Variants in BLOC1S5 observed in about 807,000 individuals in gnomAD.
BLOC1S5 encodes biogenesis of lysosome-related organelles complex 1 subunit 5.
A neutral mutation model predicts 24.3 loss-of-function variants in BLOC1S5; 27 were observed. The observed-to-expected ratio is 1.11, with a 90% CI of 0.82 to 1.53. The LOEUF is 1.53. Among genes scored for constraint, BLOC1S5 ranks in the 40% most tolerant of loss-of-function variants. The pLI, the probability that BLOC1S5 is intolerant of heterozygous loss-of-function variation, is 0.00. For synonymous variants in BLOC1S5, 84 were observed against 74.5 expected (o/e 1.13, Z -0.66); for missense variants, 239 against 229.4 (o/e 1.04, Z -0.27).
intron 2 of BLOC1S5, among the ~76,000 whole-genome samples, chr6:8,058,566 T>C (rs1207240215): frequency 6.6e-6 from 1 of 152,180 alleles, no homozygotes; most frequent in Non-Finnish European, 1.5e-5. Flanking sequence ...GACGGGTTAC[T>C]GTGGTCCCAG....
intron 3 of BLOC1S5, among the ~76,000 whole-genome samples, chr6:8,030,394 G>A (rs1225874747): frequency 1.3e-5 from 2 of 151,094 alleles, no homozygotes; most frequent in Non-Finnish European, 2.9e-5. Flanking sequence ...TCCTGACCTC[G>A]TGATCCACCC....
At chr6:8,027,272 T>C (rs1401537489) in intron 3 of BLOC1S5, 1 of 451,256 alleles carries the variant, frequency 2.2e-6, no homozygotes. Flanking sequence ...TGGCACTCAG[T>C]TGTGTGAATG....
chr6:8,056,418 T>C (rs1006670352), intron 2 of BLOC1S5, among the ~76,000 whole-genome samples: 3 of 152,128 alleles, frequency 2.0e-5, no homozygotes, highest in African/African-American at 7.2e-5. Context: ...TTATTACAGA[T>C]GTAGATTGGG....
chr6:8,060,901 T>A (rs1310022656), intron 2 of BLOC1S5, among the ~76,000 whole-genome samples: 2 of 152,208 alleles, frequency 1.3e-5, no homozygotes, highest in Non-Finnish European at 2.9e-5. Context: ...CTCGGCTCAC[T>A]GCAACCTCCA....
rs552912671 is a variant in BLOC1S5, at chr6:8,019,620, G to A, written c.385-3792C>T. 2.7e-5 allele frequency among the ~76,000 whole-genome samples: 4 copies of A among 147,502 alleles called. No individual in the cohort carries two copies. In the South Asian group the frequency reaches 6.5e-4, roughly 24 times the overall value. Reference sequence around the variant, plus strand: ...AGTAAAGAAAAAAGGGGGGGGGGGCGCCTATACATTCATGTATTGACAATA... The same window carrying A: ...AGTAAAGAAAAAAGGGGGGGGGGGCACCTATACATTCATGTATTGACAATA... On this transcript the variant is annotated intron_variant, in intron 4 of 4. Transcript: ENST00000397457.
At chr6:8,041,084 T>G in intron 3 of BLOC1S5, 55 bp downstream of exon 3, 1 of 1,530,566 alleles carries the variant, frequency 6.5e-7, no homozygotes, top group South Asian at 1.2e-5. Context: ...AAAATACATT[T>G]TGGTGTAGCA....
intron 2 of BLOC1S5, among the ~76,000 whole-genome samples, chr6:8,045,256 A>G (rs113749365): frequency 0.025 from 3,791 of 152,310 alleles, 161 homozygotes; most frequent in African/African-American, 0.084. Flanking sequence ...CTTCCAAGTA[A>G]TGTTGAGCCT....
At chr6:8,026,478 A>G in intron 3 of BLOC1S5, 53 bp from the exon 4 acceptor site, 1 of 1,424,624 alleles carries the variant, frequency 7.0e-7, no homozygotes, top group Non-Finnish European at 9.9e-7. Context: ...TCAAGGAAAC[A>G]CATACCTGGG....
At chr6:8,019,472 C>T (rs1248910095) in intron 4 of BLOC1S5, among the ~76,000 whole-genome samples, 6 of 151,956 alleles carry the variant, frequency 3.9e-5, no homozygotes, top group Non-Finnish European at 5.9e-5. Context: ...TTTCACCACA[C>T]TGGCCAGGCT....
At chr6:8,064,049 G>A (rs540592625) in intron 1 of BLOC1S5, among the ~76,000 whole-genome samples, 2 of 152,198 alleles carry the variant, frequency 1.3e-5, no homozygotes, top group African/African-American at 4.8e-5. Flanking sequence ...GGCTGCGACA[G>A]AGGAAAGCGG....
intron 2 of BLOC1S5, among the ~76,000 whole-genome samples, chr6:8,048,945 C>T (rs922773161): frequency 6.7e-6 from 1 of 150,190 alleles, no homozygotes; most frequent in Admixed American, 6.7e-5. Flanking sequence ...CCCAGGGTGG[C>T]AGAAGCTGCA....
At chr6:8,052,466 C>A (rs1303517636) in intron 2 of BLOC1S5, among the ~76,000 whole-genome samples, 1 of 152,080 alleles carries the variant, frequency 6.6e-6, no homozygotes, top group African/African-American at 2.4e-5. Flanking sequence ...GGGAAGAGGT[C>A]AAAGTATCAA....
intron 2 of BLOC1S5, among the ~76,000 whole-genome samples, chr6:8,047,857 T>C (rs1383468393): frequency 6.6e-6 from 1 of 152,224 alleles, no homozygotes; most frequent in Non-Finnish European, 1.5e-5. Flanking sequence ...CTGTCTTTGT[T>C]TACTAGCAGA....
chr6:8,062,427 G>T, intron 2 of BLOC1S5, 107 bp downstream of exon 2: 1 of 686,160 alleles, frequency 1.5e-6, no homozygotes, highest in Non-Finnish European at 2.4e-6. Flanking sequence ...TATATTTTAT[G>T]AACACATGAA....
At chr6:8,016,012 T>TG (rs1417730325) in intron 4 of BLOC1S5, among the ~76,000 whole-genome samples, 184 bp from the exon 5 acceptor site, 1 of 152,202 alleles carries the variant, frequency 6.6e-6, no homozygotes, top group African/African-American at 2.4e-5. Flanking sequence ...AAATTAAACA[T>TG]GGATATTCTC....
At chr6:8,043,689 T>C (rs140304500) in intron 2 of BLOC1S5, among the ~76,000 whole-genome samples, 1 of 152,322 alleles carries the variant, frequency 6.6e-6, no homozygotes, top group Non-Finnish European at 1.5e-5. Flanking sequence ...TTGACAGTAA[T>C]GTATCAATGT....
chr6:8,040,622 G>A (rs1763644531), intron 3 of BLOC1S5, among the ~76,000 whole-genome samples: 2 of 152,214 alleles, frequency 1.3e-5, no homozygotes, highest in Non-Finnish European at 2.9e-5. Context: ...CACTTGGGAG[G>A]CCGAGGCAGG....
chr6:8,043,923 T>C (rs1581420216), intron 2 of BLOC1S5, among the ~76,000 whole-genome samples: 1 of 152,178 alleles, frequency 6.6e-6, no homozygotes, highest in East Asian at 1.9e-4. Context: ...AATAAGTCTC[T>C]GATGGGCTTA....
chr6:8,020,456 G>T (rs1307590036), intron 4 of BLOC1S5, among the ~76,000 whole-genome samples: 2 of 152,170 alleles, frequency 1.3e-5, no homozygotes, highest in Non-Finnish European at 1.5e-5. Flanking sequence ...TTGCCCTAGG[G>T]GCCAGTTCTT....
Sources: allele counts gnomAD v4.1 joint callset (sites outside exome capture counted in the v4.1 genomes callset), GRCh38; gene constraint gnomAD v4.1.1; transcripts MANE v1.5; gene names NCBI Gene and HGNC (gene_info 2026-07-23, HGNC 2026-07-21).